BMP7: variants seen among roughly 807,000 people sequenced by gnomAD.
BMP7 encodes osteogenic protein 1.
Under a neutral mutation model 41.2 loss-of-function variants are expected in BMP7, and 12 were observed. The ratio of observed to expected loss-of-function variants is 0.29; its 90% CI spans 0.19 to 0.47. The LOEUF is 0.47. Among genes scored for constraint, BMP7 ranks in the 20% least tolerant of loss-of-function variants. BMP7 has a pLI of 0.99. For missense variants in BMP7, 467 were observed against 606.0 expected, an observed-to-expected ratio of 0.77 and a Z score of 2.41; for synonymous variants, 248 against 250.0, an observed-to-expected ratio of 0.99 and a Z score of 0.07.
intron 1 of BMP7, among the ~76,000 whole-genome samples, chr20:57,239,833 T>C (rs1196867343): frequency 6.6e-6 from 1 of 152,222 alleles, no homozygotes; most frequent in African/African-American, 2.4e-5. Context: ...CATTGACCCC[T>C]TTCAGCCATG....
At position 57,214,984 on chromosome 20, in the gene BMP7, T is replaced by A. The variant is rs1334039873; in HGVS notation, c.612-12361A>T. ...CTGGTTTCACTTCCAATAGTTTACA[T>A]TATTAAAAGAGAAATGGTAAATACT... On this transcript the variant is annotated intron_variant, in intron 2 of 6. Coordinates refer to ENST00000395863, the MANE Select transcript of BMP7 (RefSeq NM_001719.3). This position sits in a 1 kb window ranked among gnomAD's most constrained non-coding sequence, Gnocchi z 4.0. The A allele has an allele frequency of 6.6e-6, 1 of 152,208 alleles. No homozygotes were observed. The highest frequency in any genetic ancestry group is 1.5e-5 in the Non-Finnish European group (1 of 68,044). The allele number at this position is 152,208 out of a possible 1,614,324, so 9.4% of individuals were successfully genotyped here.
intron 2 of BMP7, among the ~76,000 whole-genome samples, chr20:57,226,957 G>T (rs187849158): frequency 6.6e-6 from 1 of 151,462 alleles, no homozygotes; most frequent in Admixed American, 6.6e-5. Flanking sequence ...CTCCCAAGTA[G>T]CTGGGATTAC....
At chr20:57,200,400 C>T (rs1984593195) in intron 3 of BMP7, among the ~76,000 whole-genome samples, 1 of 152,162 alleles carries the variant, frequency 6.6e-6, no homozygotes, top group Non-Finnish European at 1.5e-5. Flanking sequence ...TTCTCCATAA[C>T]CTGGACAATG....
rs1983800011 is a variant in BMP7 at position 57,170,845 on chromosome 20, G to A, written c.*114C>T. 8 of 1,338,396 alleles carry A rather than the reference G, an allele frequency of 6.0e-6. No homozygotes were observed. In the East Asian group the frequency reaches 7.3e-5, roughly 12 times the overall value. 82.9% of individuals were successfully genotyped at this position (1,338,396 alleles called of 1,614,324 possible). ...AATACTCTCACACCTTTAAAGTTGG[G>A]GATAGGGAGGGGAAGGTCTCACAAA... On this transcript the variant is annotated 3_prime_UTR_variant, in exon 7 of 7. Coordinates refer to ENST00000395863, the MANE Select transcript of BMP7 (RefSeq NM_001719.3).
In BMP7 at chr20:57,259,950, TTTGC is replaced by T; in HGVS notation, c.418+5751_418+5754del. 6.6e-6 allele frequency among the ~76,000 whole-genome samples: 1 copy of T among 152,234 alleles called. No homozygotes were observed. The highest frequency in any genetic ancestry group is 2.1e-4 in the South Asian group (1 of 4,816). On this transcript the variant is annotated intron_variant, in intron 1 of 6. Coordinates refer to ENST00000395863, the MANE Select transcript of BMP7 (RefSeq NM_001719.3). The surrounding 1 kb of genome is among the most constrained non-coding windows in gnomAD (Gnocchi z 4.7). ...GTCAATTATTATTTGTCAGATGCCA[TTTGC>T]TGCAAAACCCGGAATTCAATCCCAG...
chr20:57,206,194 G>A (rs1369908457), intron 2 of BMP7, among the ~76,000 whole-genome samples: 1 of 152,136 alleles, frequency 6.6e-6, no homozygotes, highest in African/African-American at 2.4e-5. Flanking sequence ...TGGCCTCCCC[G>A]GCCCAGCCCA....
intron 3 of BMP7, among the ~76,000 whole-genome samples, chr20:57,194,584 A>T (rs1055962700): frequency 3.9e-5 from 6 of 152,180 alleles, no homozygotes; most frequent in Admixed American, 3.3e-4. Flanking sequence ...GAGATAAGAC[A>T]TCATTATTTT....
At chr20:57,216,667 T>C (rs1384158561) in intron 2 of BMP7, among the ~76,000 whole-genome samples, 3 of 151,996 alleles carry the variant, frequency 2.0e-5, no homozygotes, top group Non-Finnish European at 4.4e-5. Context: ...AGACCTTGAC[T>C]CCGACTCCTC....
chr20:57,255,096 G>C (rs1481578732), intron 1 of BMP7, among the ~76,000 whole-genome samples: 1 of 151,294 alleles, frequency 6.6e-6, no homozygotes, highest in Admixed American at 6.6e-5. Context: ...CGGGACCACA[G>C]AGTCAAGGCC....
At chr20:57,204,138 T>C (rs1474531520) in intron 2 of BMP7, among the ~76,000 whole-genome samples, 4 of 152,220 alleles carry the variant, frequency 2.6e-5, no homozygotes, top group Non-Finnish European at 5.9e-5. Flanking sequence ...AAGACAGTTC[T>C]TCTGGACACT....
At chr20:57,184,102 G>A (rs1259092051) in intron 3 of BMP7, among the ~76,000 whole-genome samples, 183 bp from the exon 4 acceptor site, 3 of 152,178 alleles carry the variant, frequency 2.0e-5, no homozygotes, top group Non-Finnish European at 2.9e-5. Context: ...ACACAACTGT[G>A]AAAGCAGCCA....
intron 1 of BMP7, among the ~76,000 whole-genome samples, chr20:57,254,446 G>A (rs1407764533): frequency 2.0e-5 from 3 of 152,062 alleles, no homozygotes; most frequent in Non-Finnish European, 2.9e-5. Context: ...TGAAGGTAGG[G>A]AGTCCTTCCT....
intron 4 of BMP7, among the ~76,000 whole-genome samples, chr20:57,175,602 T>G (rs1218238565): frequency 2.6e-5 from 4 of 151,660 alleles, no homozygotes. Context: ...ATACAGGGGG[T>G]TTTCCAGAAC....
chr20:57,247,738 TA>T (rs1446709048), intron 1 of BMP7, among the ~76,000 whole-genome samples: 1 of 152,148 alleles, frequency 6.6e-6, no homozygotes, highest in African/African-American at 2.4e-5. Flanking sequence ...CACAGATTCT[TA>T]AAATGCTTTG....
At position 57,174,905 on chromosome 20, in the gene BMP7, C is replaced by A. The variant is rs1983888342; in HGVS notation, c.1035+26G>T. Reference sequence around the variant, plus strand: ...GAGCCCACGCCAGAGGGCCCACACCCAAGACAGACCCAGCCAGCCCCTTAC... The same window carrying A: ...GAGCCCACGCCAGAGGGCCCACACCAAAGACAGACCCAGCCAGCCCCTTAC... On this transcript the variant is annotated intron_variant, in intron 5 of 6. Coordinates refer to ENST00000395863, the MANE Select transcript of BMP7 (RefSeq NM_001719.3). This position sits in a 1 kb window ranked among gnomAD's most constrained non-coding sequence, Gnocchi z 4.3. The A allele has an allele frequency of 6.2e-7, 1 of 1,605,016 alleles. No individual in the cohort carries two copies.
At chr20:57,196,368 GTCTCTCGT>G (rs1249295852) in intron 3 of BMP7, among the ~76,000 whole-genome samples, 13 of 152,170 alleles carry the variant, frequency 8.5e-5, no homozygotes, top group African/African-American at 2.7e-4. Context: ...TCAGTACATG[GTCTCTCGT>G]TCCTGGTCGG....
intron 1 of BMP7, among the ~76,000 whole-genome samples, chr20:57,237,671 C>A (rs1360773924): frequency 6.6e-6 from 1 of 152,238 alleles, no homozygotes; most frequent in African/African-American, 2.4e-5. Context: ...AGAGGCCACA[C>A]TGACACACAC....
intron 1 of BMP7, among the ~76,000 whole-genome samples, chr20:57,244,229 G>T (rs963248609): frequency 6.6e-6 from 1 of 152,210 alleles, no homozygotes; most frequent in Admixed American, 6.5e-5. Context: ...CCAGGTGATG[G>T]TGATAATGCA....
In BMP7 at chr20:57,259,855, T is replaced by TA. The variant is rs2066147195; in HGVS notation, c.418+5849_418+5850insT. Among the ~76,000 whole-genome samples the TA allele has an allele frequency of 7.0e-6, 1 of 141,904 alleles. No homozygotes were observed. Among genetic ancestry groups the TA allele is most frequent in the African/African-American group, 2.5e-5 (1 of 40,066 alleles). 93.1% of individuals were successfully genotyped at this position (141,904 alleles called of 152,430 possible). On this transcript the variant is annotated intron_variant, in intron 1 of 6. Transcript: ENST00000395863. The surrounding 1 kb of genome is among the most constrained non-coding windows in gnomAD (Gnocchi z 4.7). ...GCTATTTCAGTTTGAGTTTGAGCAA[T>TA]TTTTTTTTTGCCGGGGAAGCTTAAA...
Sources: allele counts gnomAD v4.1 joint callset (sites outside exome capture counted in the v4.1 genomes callset), GRCh38; gene constraint gnomAD v4.1.1; non-coding constraint Gnocchi (gnomAD v3.1); transcripts MANE v1.5; gene names NCBI Gene and HGNC (gene_info 2026-07-23, HGNC 2026-07-21).